Variants in EXOC6B observed in about 807,000 individuals in gnomAD.
EXOC6B encodes the protein SEC15 homolog B.
In EXOC6B, 54 loss-of-function variants were observed where a neutral mutation model predicts 113.5. That is an observed-to-expected ratio of 0.48 (90% confidence interval 0.38 to 0.60). EXOC6B has a LOEUF of 0.60. Ranked by LOEUF, EXOC6B falls within the 20% of genes least tolerant of loss-of-function variation. The pLI is 0.00. For missense variants in EXOC6B, 797 were observed against 977.5 expected (o/e 0.82, Z 2.46); for synonymous variants, 357 against 339.0 (o/e 1.05, Z -0.58).
chr2:72,316,650 A>G (rs2104811151), intron 20 of EXOC6B, among the ~76,000 whole-genome samples: 1 of 152,348 alleles, frequency 6.6e-6, no homozygotes, highest in Middle Eastern at 3.4e-3. Flanking sequence ...TCAGCAAGCA[A>G]TTATGAAATA....
chr2:72,323,141 AAAAC>A (rs1354214946), intron 20 of EXOC6B, among the ~76,000 whole-genome samples: 5 of 152,224 alleles, frequency 3.3e-5, no homozygotes, highest in Non-Finnish European at 7.3e-5. Flanking sequence ...TTACAAGAAA[AAAAC>A]AAACAACCCC....
At chr2:72,353,838 T>C (rs1489859586) in intron 19 of EXOC6B, among the ~76,000 whole-genome samples, 1 of 152,172 alleles carries the variant, frequency 6.6e-6, no homozygotes, top group Non-Finnish European at 1.5e-5. Flanking sequence ...AAAATAGTAA[T>C]AACCACAACA....
In EXOC6B at chr2:72,493,206, T is replaced by C. The variant is rs1476871509; in HGVS notation, c.1554-777A>G. The stretch of plus-strand genomic sequence containing the variant: ...ATTCTGCCACAGGTGCAGGAGTCTG[T>C]CCCCTTAGAGGGACCAGTCCCATCA... On this transcript the variant is annotated intron_variant, in intron 15 of 21. Transcript: ENST00000272427. Among the ~76,000 whole-genome samples, 5 of 152,042 alleles carry C rather than the reference T, an allele frequency of 3.3e-5. No homozygotes were observed. The East Asian group carries it at 5.8e-4, about 18-fold the overall frequency.
At chr2:72,780,212 A>G (rs1683944568) in intron 1 of EXOC6B, among the ~76,000 whole-genome samples, 1 of 152,186 alleles carries the variant, frequency 6.6e-6, no homozygotes, top group Admixed American at 6.5e-5. Context: ...TTATTAACAT[A>G]TAAACTCCAA....
At chr2:72,584,300 G>A (rs1214043934) in intron 6 of EXOC6B, among the ~76,000 whole-genome samples, 1 of 151,090 alleles carries the variant, frequency 6.6e-6, no homozygotes, top group Non-Finnish European at 1.5e-5. Flanking sequence ...ATTGGCTCAA[G>A]GGATTTGGGC....
At position 72,260,010 on chromosome 2, in the gene EXOC6B, C is replaced by T. The variant is rs768472233; in HGVS notation, c.2196+74937G>A. ...AAGGCTGCAGTGAGCTGTGATTGCG[C>T]CACTGTACTAAAACTTGGGTGACAT... On this transcript the variant is annotated intron_variant, in intron 20 of 21. Coordinates refer to ENST00000272427, the MANE Select transcript of EXOC6B (RefSeq NM_015189.3). 2.4e-4 allele frequency among the ~76,000 whole-genome samples: 37 copies of T among 151,710 alleles called. 1 individual carries two copies. Among genetic ancestry groups the T allele is most frequent in the Admixed American group, 2.0e-4 (3 of 15,210 alleles).
chr2:72,213,287 A>G (rs1680309746), intron 20 of EXOC6B, among the ~76,000 whole-genome samples: 1 of 152,236 alleles, frequency 6.6e-6, no homozygotes, highest in Admixed American at 6.5e-5. Flanking sequence ...AAAACTGCCT[A>G]GCTGAGCCCT....
At chr2:72,481,947 C>T (rs1357832851) in intron 16 of EXOC6B, among the ~76,000 whole-genome samples, 1 of 152,098 alleles carries the variant, frequency 6.6e-6, no homozygotes, top group Non-Finnish European at 1.5e-5. Context: ...ACTGTTTTCC[C>T]AAAAACTTGG....
intron 2 of EXOC6B, among the ~76,000 whole-genome samples, chr2:72,734,361 T>C (rs1046594373): frequency 2.0e-5 from 3 of 152,158 alleles, no homozygotes; most frequent in Non-Finnish European, 2.9e-5. Flanking sequence ...GTGAAACACT[T>C]TGTGGTTTTA....
intron 1 of EXOC6B, among the ~76,000 whole-genome samples, chr2:72,766,139 T>G (rs557796453): frequency 3.2e-4 from 48 of 152,298 alleles, no homozygotes; most frequent in Admixed American, 1.2e-3. Flanking sequence ...GAAGGGCTCC[T>G]AGTCATCACT....
At chr2:72,720,502 C>G (rs189750267) in intron 5 of EXOC6B, among the ~76,000 whole-genome samples, 1 of 152,324 alleles carries the variant, frequency 6.6e-6, no homozygotes, top group East Asian at 1.9e-4. Context: ...AATGCCAACA[C>G]TTTGGGAGGT....
intron 7 of EXOC6B, among the ~76,000 whole-genome samples, chr2:72,572,486 C>A (rs1056007291): frequency 1.3e-5 from 2 of 152,150 alleles, no homozygotes; most frequent in Non-Finnish European, 2.9e-5. Flanking sequence ...AATATATGTA[C>A]GTTTTACTGG....
chr2:72,329,406 G>T (rs1171673448), intron 20 of EXOC6B, among the ~76,000 whole-genome samples: 1 of 151,988 alleles, frequency 6.6e-6, no homozygotes, highest in Admixed American at 6.6e-5. Flanking sequence ...TCCTAGTTAG[G>T]GGACAGTTTA....
intron 6 of EXOC6B, among the ~76,000 whole-genome samples, chr2:72,638,201 G>A (rs1672982166): frequency 6.6e-6 from 1 of 152,066 alleles, no homozygotes; most frequent in South Asian, 2.1e-4. Context: ...AAATTCAAAG[G>A]ATCACTAGAG....
At chr2:72,455,046 C>T (rs1436169386) in intron 18 of EXOC6B, among the ~76,000 whole-genome samples, 1 of 151,946 alleles carries the variant, frequency 6.6e-6, no homozygotes, top group Non-Finnish European at 1.5e-5. Context: ...GTAATTTGTA[C>T]TCCATCAGGG....
intron 6 of EXOC6B, among the ~76,000 whole-genome samples, chr2:72,576,195 A>G (rs1704843525): frequency 6.6e-6 from 1 of 152,152 alleles, no homozygotes; most frequent in Non-Finnish European, 1.5e-5. Flanking sequence ...ATGAAATAAA[A>G]TCAGGAGAAT....
At chr2:72,351,941 G>A (rs890814342) in intron 19 of EXOC6B, among the ~76,000 whole-genome samples, 2 of 152,022 alleles carry the variant, frequency 1.3e-5, no homozygotes, top group Non-Finnish European at 2.9e-5. Context: ...TAGTCAAAAT[G>A]AACTAGTTTT....
intron 18 of EXOC6B, among the ~76,000 whole-genome samples, chr2:72,423,755 A>C (rs1695043410): frequency 6.6e-6 from 1 of 152,110 alleles, no homozygotes; most frequent in African/African-American, 2.4e-5. Flanking sequence ...ACACGTGCAC[A>C]CATACATACA....
intron 11 of EXOC6B, among the ~76,000 whole-genome samples, chr2:72,512,788 A>G (rs1032716486): frequency 4.6e-5 from 7 of 152,062 alleles, no homozygotes; most frequent in African/African-American, 1.7e-4. Flanking sequence ...TTCCCAGACT[A>G]TAAGGTAAAT....
Sources: allele counts gnomAD v4.1 joint callset (sites outside exome capture counted in the v4.1 genomes callset), GRCh38; gene constraint gnomAD v4.1.1; transcripts MANE v1.5; gene names NCBI Gene and HGNC (gene_info 2026-07-23, HGNC 2026-07-21).